Variants in DBF4 observed in about 807,000 individuals in gnomAD.
The protein encoded by DBF4 is protein DBF4 homolog A.
A neutral mutation model predicts 76.6 loss-of-function variants in DBF4; 25 were observed. That is an observed-to-expected ratio of 0.33 (90% CI 0.24 to 0.46). The LOEUF (loss-of-function observed/expected upper bound fraction) is 0.46. Among genes scored for constraint, DBF4 ranks in the 20% least tolerant of loss-of-function variants. The pLI is 1.00. For missense variants in DBF4, 638 were observed against 760.8 expected (o/e 0.84, Z 1.90); for synonymous variants, 213 against 258.0 (o/e 0.83, Z 1.67).
rs1839863053 is a variant in DBF4, at chr7:87,904,274, T to C, written c.925-18T>C. 1 of 1,575,290 alleles carries C rather than the reference T, an allele frequency of 6.3e-7. No homozygotes were observed. Among genetic ancestry groups the C allele is most frequent in the Non-Finnish European group, 8.6e-7 (1 of 1,166,134 alleles). ...TTTAAATACAATTTTTTGATACATG[T>C]TTTTAATTTTGTTTTAGCACCTTCT... On this transcript the variant is annotated intron_variant, in intron 10 of 11. Transcript: ENST00000265728.
Position 87,894,971 on chromosome 7 carries a change from C to A in DBF4, c.598-1503C>A, listed in dbSNP as rs1839597748. 2.0e-5 allele frequency among the ~76,000 whole-genome samples: 3 copies of A among 152,104 alleles called. No homozygotes were observed. The South Asian group carries it at 6.2e-4, about 32-fold the overall frequency. On this transcript the variant is annotated intron_variant, in intron 6 of 11. Coordinates refer to ENST00000265728, the MANE Select transcript of DBF4 (RefSeq NM_006716.4). Reference sequence around the variant, plus strand: ...ATTTTTTTTCTTCACTAGTCTCTCCCCTCTTTTTCCACCATTCCAGTTGAC... The same window carrying A: ...ATTTTTTTTCTTCACTAGTCTCTCCACTCTTTTTCCACCATTCCAGTTGAC...
At chr7:87,895,074 C>T (rs1383424774) in intron 6 of DBF4, among the ~76,000 whole-genome samples, 3 of 151,442 alleles carry the variant, frequency 2.0e-5, no homozygotes, top group African/African-American at 7.3e-5. Flanking sequence ...TTTTTGTTTC[C>T]TCTTTTCTTC....
intron 3 of DBF4, 65 bp downstream of exon 3, chr7:87,885,223 AT>A: frequency 7.3e-7 from 1 of 1,361,020 alleles, no homozygotes; most frequent in Non-Finnish European, 1.0e-6. Flanking sequence ...CTGGTTTTTA[AT>A]AGCAAGGTGG....
rs1839947759 is a variant in DBF4, at chr7:87,907,809, A to G, written c.1671A>G (p.Glu557=). 1.9e-6 allele frequency: 3 copies of G among 1,613,934 alleles called. No individual in the cohort carries two copies. The highest frequency in any genetic ancestry group is 1.1e-5 in the South Asian group (1 of 91,004). ...CTCCATTCCATACTCCTCCTGAGGA[A>G]CCCAATGAATGTGACTTCAAGAATA... ...AKAPFHTPPE[E]PNECDFKNMD... is the part of the protein sequence containing the mutation. Residue 557 remains glutamate (E), a synonymous_variant, in exon 12 of 12, where the codon GAA becomes GAG. Coordinates refer to ENST00000265728, the MANE Select transcript of DBF4 (RefSeq NM_006716.4).
intron 2 of DBF4, among the ~76,000 whole-genome samples, chr7:87,883,857 T>G (rs190903869): frequency 1.6e-4 from 25 of 152,308 alleles, no homozygotes; most frequent in Admixed American, 7.8e-4. Flanking sequence ...TGATTCACAG[T>G]TTACTTCTGC....
At chr7:87,900,178 T>C (rs1203874678) in intron 8 of DBF4, 43 bp from the exon 9 acceptor site, 2 of 1,485,898 alleles carry the variant, frequency 1.3e-6, no homozygotes, top group Non-Finnish European at 1.8e-6. Flanking sequence ...CTTTTTTCTT[T>C]AATCATAAAG....
At chr7:87,897,761 CTTG>C (rs761714834) in intron 8 of DBF4, among the ~76,000 whole-genome samples, 17 of 152,056 alleles carry the variant, frequency 1.1e-4, no homozygotes, top group South Asian at 4.2e-4. Context: ...GTAGGATAGT[CTTG>C]TTGTTGTTGT....
intron 2 of DBF4, 118 bp from the exon 3 acceptor site, chr7:87,884,861 C>A: frequency 1.4e-6 from 1 of 703,078 alleles, no homozygotes; most frequent in Non-Finnish European, 2.3e-6. Flanking sequence ...CACTTGAGAA[C>A]AGGGGGTTGA....
Position 87,908,070 on chromosome 7 carries a change from C to T in DBF4, c.1932C>T (p.Cys644=). The T allele has an allele frequency of 1.2e-6, 2 of 1,613,364 alleles. No homozygotes were observed. Among genetic ancestry groups the T allele is most frequent in the South Asian group, 1.1e-5 (1 of 90,856 alleles). ...GCTACACAGAAAAGAGTGGTATATGCAATGTTTTAGATATTTGGGAAGAGG... is the reference window on the plus strand; with the variant it reads ...GCTACACAGAAAAGAGTGGTATATGTAATGTTTTAGATATTTGGGAAGAGG... The part of the protein sequence containing the change: ...FTSYTEKSGI[C]NVLDIWEEEN... Residue 644 remains cysteine (C), a synonymous_variant, in exon 12 of 12, where the codon TGC becomes TGT. Transcript: ENST00000265728.
intron 10 of DBF4, 130 bp from the exon 11 acceptor site, chr7:87,904,162 G>T (rs1295576585): frequency 3.2e-5 from 27 of 851,800 alleles, no homozygotes; most frequent in Non-Finnish European, 4.7e-5. Context: ...TCTAGTAAAG[G>T]GTATTATCTT....
At chr7:87,877,615 T>C (rs1165591083) in intron 1 of DBF4, among the ~76,000 whole-genome samples, 2 of 152,224 alleles carry the variant, frequency 1.3e-5, no homozygotes, top group Non-Finnish European at 2.9e-5. Context: ...ACTTGAGCAG[T>C]CTGAAACCCT....
chr7:87,894,301 T>C (rs1250562781), intron 6 of DBF4, among the ~76,000 whole-genome samples: 2 of 151,932 alleles, frequency 1.3e-5, no homozygotes, highest in Admixed American at 1.3e-4. Flanking sequence ...ACAAAAAATA[T>C]ATATATAAAT....
At chr7:87,903,868 G>A (rs1159447477) in intron 10 of DBF4, among the ~76,000 whole-genome samples, 1 of 151,656 alleles carries the variant, frequency 6.6e-6, no homozygotes, top group South Asian at 2.1e-4. Context: ...CCGATTTTTT[G>A]TATTTTTAGT....
Position 87,876,596 on chromosome 7 carries a change from C to T in DBF4, c.-137C>T, listed in dbSNP as rs1839043590. The T allele has an allele frequency of 2.1e-6, 2 of 967,672 alleles. No homozygotes were observed. Among genetic ancestry groups the T allele is most frequent in the East Asian group, 2.6e-5 (1 of 38,604 alleles). The allele number at this position is 967,672 out of a possible 1,614,324, so 59.9% of individuals were successfully genotyped here. On this transcript the variant is annotated 5_prime_UTR_variant, in exon 1 of 12. Coordinates refer to ENST00000265728, the MANE Select transcript of DBF4 (RefSeq NM_006716.4). ...GAAACCCGACCTGCAGACGCGGTAC[C>T]TCTACTGCGTAGAGGCCGTAGCTGG...
chr7:87,886,794 C>G (rs370042817), intron 3 of DBF4, 50 bp from the exon 4 acceptor site: 2 of 1,118,740 alleles, frequency 1.8e-6, no homozygotes, highest in African/African-American at 3.2e-5. Context: ...CCTTTTTAAC[C>G]TGTTCTCCAG....
chr7:87,879,951 CAAAAAAA>C (rs78858917), intron 2 of DBF4, among the ~76,000 whole-genome samples: 1 of 100,456 alleles, frequency 1.0e-5, no homozygotes, highest in African/African-American at 3.3e-5. Context: ...ACCCTATGTC[CAAAAAAA>C]AAAAAAAAAG....
At chr7:87,897,866 A>C (rs762161871) in intron 8 of DBF4, among the ~76,000 whole-genome samples, 1 of 151,668 alleles carries the variant, frequency 6.6e-6, no homozygotes, top group Non-Finnish European at 1.5e-5. Context: ...CGTCCACCCC[A>C]CCCCCGGTTC....
chr7:87,904,634 C>T (rs1158375334), intron 11 of DBF4, among the ~76,000 whole-genome samples: 9 of 151,852 alleles, frequency 5.9e-5, no homozygotes, highest in Non-Finnish European at 1.2e-4. Flanking sequence ...CCCAGCTACT[C>T]GGGAGGCTGA....
Position 87,876,522 on chromosome 7 carries a change from T to G in DBF4, c.-211T>G. ...CTTCAACCGCCGCAGCCCACTCGTT[T>G]GTGCTTTGCGCCTTCCTCCTCCGCG... On this transcript the variant is annotated 5_prime_UTR_variant, in exon 1 of 12. Transcript: ENST00000265728. 1.7e-6 allele frequency: 1 copy of G among 590,438 alleles called. No individual in the cohort carries two copies. 36.6% of individuals were successfully genotyped at this position (590,438 alleles called of 1,614,324 possible).
Sources: gnomAD v4.1 joint callset for allele counts (sites outside exome capture counted in the v4.1 genomes callset) on GRCh38, gnomAD v4.1.1 for gene constraint, MANE v1.5 for transcripts, NCBI Gene and HGNC (gene_info 2026-07-23, HGNC 2026-07-21) for gene names.